MAP4K5: variants seen among roughly 807,000 people sequenced by gnomAD.
MAP4K5 encodes MAPK/ERK kinase kinase kinase 5.
In MAP4K5, 82 loss-of-function variants were observed where a neutral mutation model predicts 135.6. The ratio of observed to expected loss-of-function variants is 0.60; its 90% CI spans 0.51 to 0.73. MAP4K5 has a LOEUF of 0.73. Ranked by LOEUF, MAP4K5 falls within the 30% of genes least tolerant of loss-of-function variation. The pLI is 0.00. For missense variants in MAP4K5, 907 were observed against 1,010.9 expected, an observed-to-expected ratio of 0.90 and a Z score of 1.39; for synonymous variants, 347 against 335.0, an observed-to-expected ratio of 1.04 and a Z score of -0.39.
At chr14:50,461,307 G>A (rs774414184) in intron 13 of MAP4K5, among the ~76,000 whole-genome samples, 5 of 152,040 alleles carry the variant, frequency 3.3e-5, no homozygotes, top group Non-Finnish European at 5.9e-5. Context: ...GGGATTACAG[G>A]TGTGAGCCAC....
At chr14:50,516,892 T>A (rs2038044807) in intron 2 of MAP4K5, among the ~76,000 whole-genome samples, 1 of 152,180 alleles carries the variant, frequency 6.6e-6, no homozygotes, top group Non-Finnish European at 1.5e-5. Context: ...TGAGTCCCTA[T>A]GAAAGTCAGG....
intron 2 of MAP4K5, among the ~76,000 whole-genome samples, chr14:50,526,160 CT>C (rs2038259197): frequency 6.6e-6 from 1 of 152,156 alleles, no homozygotes; most frequent in Admixed American, 6.5e-5. Context: ...GTTAATGTTC[CT>C]TCCTCTGTTA....
At chr14:50,549,021 C>T (rs1317500575) in intron 1 of MAP4K5, among the ~76,000 whole-genome samples, 2 of 152,176 alleles carry the variant, frequency 1.3e-5, no homozygotes, top group Non-Finnish European at 2.9e-5. Flanking sequence ...GCAGAAATGG[C>T]ATGCCTGTCT....
intron 3 of MAP4K5, among the ~76,000 whole-genome samples, chr14:50,487,059 C>A (rs1157513993): frequency 1.3e-5 from 2 of 152,150 alleles, no homozygotes; most frequent in Non-Finnish European, 2.9e-5. Context: ...AGTTCAAAAC[C>A]AAAACAGAGC....
intron 2 of MAP4K5, among the ~76,000 whole-genome samples, chr14:50,523,119 C>G (rs7151453): frequency 0.011 from 1,717 of 152,176 alleles, 33 homozygotes; most frequent in African/African-American, 0.039. Context: ...CGAGACCAGC[C>G]TGACCAACAT....
intron 3 of MAP4K5, among the ~76,000 whole-genome samples, chr14:50,498,780 G>A (rs1771798186): frequency 6.6e-6 from 1 of 152,166 alleles, no homozygotes; most frequent in Non-Finnish European, 1.5e-5. Context: ...CCAGACATAA[G>A]TTTTTTTCTA....
chr14:50,477,535 C>T (rs545540382), intron 6 of MAP4K5, among the ~76,000 whole-genome samples: 2 of 152,274 alleles, frequency 1.3e-5, no homozygotes, highest in East Asian at 3.9e-4. Context: ...AGGCAGACTT[C>T]ATCACCCTGT....
At position 50,422,245 on chromosome 14, in the gene MAP4K5, T is replaced by C. The variant is rs551481077; in HGVS notation, c.2453+876A>G. On this transcript the variant is annotated intron_variant, in intron 32 of 32. Coordinates refer to ENST00000682126, the MANE Select transcript of MAP4K5 (RefSeq NM_006575.6). ...GATCCTCAAATTCTCTTTTTGTTGG[T>C]TGGACGACTTACTAAGTTGCCATGC... Among the ~76,000 whole-genome samples, 217 of 152,328 alleles carry C rather than the reference T, an allele frequency of 1.4e-3. 1 individual carries two copies. The highest frequency in any genetic ancestry group is 4.6e-3 in the Admixed American group (71 of 15,310).
intron 1 of MAP4K5, among the ~76,000 whole-genome samples, chr14:50,546,061 G>C (rs1028726346): frequency 2.6e-5 from 4 of 151,994 alleles, no homozygotes; most frequent in African/African-American, 4.8e-5. Flanking sequence ...AGCCACTTGG[G>C]GATTTTGTTT....
chr14:50,462,648 T>A lies in MAP4K5; in HGVS notation c.936+17A>T, dbSNP rs779725621. On this transcript the variant is annotated intron_variant, in intron 13 of 32. Coordinates refer to ENST00000682126, the MANE Select transcript of MAP4K5 (RefSeq NM_006575.6). ...AAACATTTATTTTCAACTATGAGAC[T>A]GCAAACACTTCCTTACCTCAAAGTC... is the stretch of plus-strand genomic sequence containing the variant. The A allele has an allele frequency of 1.9e-5, 29 of 1,540,450 alleles. No individual in the cohort carries two copies. Among genetic ancestry groups the A allele is most frequent in the Non-Finnish European group, 2.6e-5 (29 of 1,122,856 alleles).
At chr14:50,437,802 G>A in intron 25 of MAP4K5, 92 bp downstream of exon 25, 1 of 858,422 alleles carries the variant, frequency 1.2e-6, no homozygotes. Flanking sequence ...TGAAAATTAA[G>A]ACATAGTTTT....
intron 3 of MAP4K5, among the ~76,000 whole-genome samples, chr14:50,501,011 A>C (rs1418124439): frequency 6.6e-6 from 1 of 152,212 alleles, no homozygotes; most frequent in Admixed American, 6.5e-5. Flanking sequence ...TGGCATAAAA[A>C]GACCAATGGT....
Position 50,437,527 on chromosome 14 carries a change from C to A in MAP4K5, c.1831G>T (p.Ala611Ser). ...GTATCAGGAATCTTTGTTGTTAAAG[C>A]GAATTTTCTGAAAACGTAAGACGAT... ...FPDRILPRKFALTTKIPDTKG... is the reference protein window; with the variant it reads ...FPDRILPRKFSLTTKIPDTKG... Residue 611 changes from alanine to serine, a missense_variant, in exon 26 of 33, where the codon GCT becomes TCT. By Grantham distance (99) the Ala-to-Ser change is moderately conservative (BLOSUM62 1). This residue lies in a region of MAP4K5 where 690 missense variants were observed against 777.4 expected (regional missense o/e 0.89). Transcript: ENST00000682126. 2 of 1,598,276 alleles carry A rather than the reference C, an allele frequency of 1.3e-6. No homozygotes were observed. Among genetic ancestry groups the A allele is most frequent in the Non-Finnish European group, 1.7e-6 (2 of 1,172,604 alleles).
intron 9 of MAP4K5, among the ~76,000 whole-genome samples, chr14:50,470,325 G>A (rs2139845288): frequency 6.6e-6 from 1 of 152,228 alleles, no homozygotes; most frequent in Non-Finnish European, 1.5e-5. Flanking sequence ...TCTTAGGGAA[G>A]AGTAAAGAAA....
chr14:50,491,925 G>A (rs1595507735), intron 3 of MAP4K5, among the ~76,000 whole-genome samples: 1 of 151,994 alleles, frequency 6.6e-6, no homozygotes, highest in Admixed American at 6.6e-5. Flanking sequence ...GAGCTCAGGC[G>A]ATCTGCCTGA....
At chr14:50,426,622 G>A (rs549006309) in intron 30 of MAP4K5, among the ~76,000 whole-genome samples, 1 of 152,296 alleles carries the variant, frequency 6.6e-6, no homozygotes, top group Admixed American at 6.5e-5. Flanking sequence ...TACTCAGGAC[G>A]CTGAAACGGG....
At chr14:50,545,241 G>A (rs1190595890) in intron 1 of MAP4K5, among the ~76,000 whole-genome samples, 1 of 152,174 alleles carries the variant, frequency 6.6e-6, no homozygotes, top group East Asian at 1.9e-4. Flanking sequence ...GCTCAGGAGC[G>A]CCCTGTATGT....
chr14:50,496,854 T>C (rs1486589569), intron 3 of MAP4K5, among the ~76,000 whole-genome samples: 1 of 151,186 alleles, frequency 6.6e-6, no homozygotes, highest in Non-Finnish European at 1.5e-5. Context: ...ATAAAAACTT[T>C]TAAAACAAGT....
chr14:50,482,967 T>C (rs566733713), intron 5 of MAP4K5: 2 of 152,836 alleles, frequency 1.3e-5, no homozygotes, highest in East Asian at 3.8e-4. Flanking sequence ...CCGTAACAAC[T>C]GTGGTCCTTG....
Sources: allele counts gnomAD v4.1 joint callset (sites outside exome capture counted in the v4.1 genomes callset), GRCh38; gene constraint gnomAD v4.1.1; regional missense constraint gnomAD v4.1.1; transcripts MANE v1.5; gene names NCBI Gene and HGNC (gene_info 2026-07-23, HGNC 2026-07-21).